Variants in VILL observed in about 807,000 individuals in gnomAD.
VILL encodes the protein villin-like protein.
Under a neutral mutation model 106.3 loss-of-function variants are expected in VILL, and 102 were observed. That is an observed-to-expected ratio of 0.96 (90% CI 0.82 to 1.13). The LOEUF is 1.13. Ranked by LOEUF, VILL falls within the 50% of genes most tolerant of loss-of-function variation. The pLI, the probability that VILL is intolerant of heterozygous loss-of-function variation, is 0.00. For missense variants in VILL, 1,076 were observed against 1,116.6 expected (o/e 0.96, Z 0.52); for synonymous variants, 431 against 440.3 (o/e 0.98, Z 0.27).
intron 1 of VILL, among the ~76,000 whole-genome samples, chr3:37,992,044 G>A (rs1038948945): frequency 2.0e-4 from 31 of 152,136 alleles, no homozygotes. Flanking sequence ...CTCTCCCAGT[G>A]ACACCAGCCG....
chr3:38,003,399 G>T, intron 15 of VILL, 86 bp downstream of exon 15: 1 of 1,451,186 alleles, frequency 6.9e-7, no homozygotes. Flanking sequence ...TTCACACAGA[G>T]AGCTGGCAAG....
At chr3:37,992,542 G>A (rs892818978) in intron 1 of VILL, among the ~76,000 whole-genome samples, 1 of 152,136 alleles carries the variant, frequency 6.6e-6, no homozygotes, top group African/African-American at 2.4e-5. Context: ...CTGGGGGCCG[G>A]GCAGCTGGGA....
At position 38,007,074 on chromosome 3, in the gene VILL, G is replaced by T. The variant is rs1301856868; in HGVS notation, c.*19G>T. The T allele has an allele frequency of 6.2e-7, 1 of 1,602,816 alleles. No individual in the cohort carries two copies. Among genetic ancestry groups the T allele is most frequent in the Non-Finnish European group, 8.5e-7 (1 of 1,170,326 alleles). ...CTTCTGAACCCAAGCCCTCTCGACT[G>T]CCCCTATCCCCTGGACCCCAACATA... On this transcript the variant is annotated 3_prime_UTR_variant, in exon 20 of 20. Coordinates refer to ENST00000383759, the MANE Select transcript of VILL (RefSeq NM_015873.4).
At chr3:38,003,445 C>G in intron 15 of VILL, 132 bp downstream of exon 15, 3 of 1,212,354 alleles carry the variant, frequency 2.5e-6, no homozygotes. Flanking sequence ...GTTTCCCACT[C>G]ACAGAGGCTC....
At chr3:37,993,867 T>C (rs757330898) in intron 2 of VILL, 31 bp from the exon 3 acceptor site, 6 of 1,613,808 alleles carry the variant, frequency 3.7e-6, no homozygotes, top group Admixed American at 3.3e-5. Flanking sequence ...AGAGGCCTCC[T>C]GAGTTGTTAC....
chr3:37,994,355 A>AG lies in VILL; in HGVS notation c.232dup (p.Ala78GlyfsTer46). On this transcript the variant is annotated frameshift_variant, in exon 4 of 20. Coordinates refer to ENST00000383759, the MANE Select transcript of VILL (RefSeq NM_015873.4). LOFTEE classifies it high-confidence loss of function. ...GGTGCGGAAGCGCAGGGCGCTGCGG[A>AG]GGCCTTCCAGCAGCGCCTACAGGAC... 6.2e-7 allele frequency: 1 copy of AG among 1,611,456 alleles called. No individual in the cohort carries two copies. The highest frequency in any genetic ancestry group is 2.2e-5 in the East Asian group (1 of 44,874).
intron 15 of VILL, chr3:38,003,656 C>A: frequency 3.3e-6 from 1 of 304,350 alleles, no homozygotes; most frequent in South Asian, 3.8e-5. Flanking sequence ...TATACAGTGT[C>A]ATATGATGTG....
At chr3:37,988,917 C>T (rs1699578851), upstream of VILL, among the ~76,000 whole-genome samples, 1 of 152,138 alleles carries the variant, frequency 6.6e-6, no homozygotes, top group Non-Finnish European at 1.5e-5. Context: ...GTATATTTTA[C>T]TACAATTTTT....
intron 13 of VILL, 76 bp downstream of exon 13, chr3:38,001,936 G>T (rs1285230483): frequency 6.2e-7 from 1 of 1,602,160 alleles, no homozygotes; most frequent in East Asian, 2.2e-5. Flanking sequence ...ACACTTCTAA[G>T]CACCTTCTCT....
chr3:37,992,300 T>G (rs747959803), intron 1 of VILL, among the ~76,000 whole-genome samples: 6 of 152,164 alleles, frequency 3.9e-5, no homozygotes, highest in Non-Finnish European at 8.8e-5. Flanking sequence ...CTGGTGGACA[T>G]CCTGCTTGTC....
chr3:37,991,649 T>C (rs1403822391), intron 1 of VILL, among the ~76,000 whole-genome samples: 2 of 150,538 alleles, frequency 1.3e-5, no homozygotes, highest in Non-Finnish European at 3.0e-5. Flanking sequence ...GGGCCCTGAG[T>C]GGAGGAAGTG....
Position 37,998,639 on chromosome 3 carries a change from G to A in VILL, c.943-273G>A, listed in dbSNP as rs1367275222. 2.0e-5 allele frequency among the ~76,000 whole-genome samples: 3 copies of A among 152,168 alleles called. No individual in the cohort carries two copies. Among genetic ancestry groups the A allele is most frequent in the Non-Finnish European group, 4.4e-5 (3 of 68,036 alleles). On this transcript the variant is annotated intron_variant, in intron 9 of 19. Coordinates refer to ENST00000383759, the MANE Select transcript of VILL (RefSeq NM_015873.4). This position sits in a 1 kb window ranked among gnomAD's most constrained non-coding sequence, Gnocchi z 4.1. Reference sequence around the variant, plus strand: ...GACTGGGCGGTCCCGCTTTCTGAGGGTGGGGCTGGGGAGGAGACAGGGCTC... The same window carrying A: ...GACTGGGCGGTCCCGCTTTCTGAGGATGGGGCTGGGGAGGAGACAGGGCTC...
chr3:37,988,744 C>A (rs900483210), upstream of VILL, among the ~76,000 whole-genome samples: 1 of 152,164 alleles, frequency 6.6e-6, no homozygotes, highest in Non-Finnish European at 1.5e-5. Context: ...TGCCTGTAAT[C>A]CCAGCTACTC....
At chr3:37,993,852 T>C (rs1559655171) in intron 2 of VILL, 46 bp from the exon 3 acceptor site, 3 of 1,611,280 alleles carry the variant, frequency 1.9e-6, no homozygotes, top group African/African-American at 1.3e-5. Flanking sequence ...GCGGGTGTCA[T>C]GGGTAGAGGC....
chr3:38,006,167 G>A lies in VILL; in HGVS notation c.2134-14G>A, dbSNP rs767213627. ...CTGCCCTGGCCCTGATACTTGCCCC[G>A]ATTCTTGCTCCAGAGCCACCCGTCC... On this transcript the variant is annotated splice_polypyrimidine_tract_variant and intron_variant, in intron 17 of 19. Coordinates refer to ENST00000383759, the MANE Select transcript of VILL (RefSeq NM_015873.4). The A allele has an allele frequency of 3.9e-5, 63 of 1,614,062 alleles. No individual in the cohort carries two copies. Among genetic ancestry groups the A allele is most frequent in the South Asian group, 3.5e-4 (32 of 91,090 alleles).
At chr3:37,995,605 T>C (rs1484810455) in intron 4 of VILL, 134 bp from the exon 5 acceptor site, 1 of 673,864 alleles carries the variant, frequency 1.5e-6, no homozygotes, top group African/African-American at 1.7e-5. Context: ...ATACATGTGT[T>C]CACACAGACT....
chr3:38,003,327 G>A lies in VILL; in HGVS notation c.1805+14G>A. 1 of 1,595,574 alleles carries A rather than the reference G, an allele frequency of 6.3e-7. No homozygotes were observed. Among genetic ancestry groups the A allele is most frequent in the Non-Finnish European group, 8.5e-7 (1 of 1,172,392 alleles). On this transcript the variant is annotated intron_variant, in intron 15 of 19. Transcript: ENST00000383759. ...CAGCAACAAGAGGTAACAGGGTTGG[G>A]AGGAGAGTGTTCTTACCCAGAGGAG...
rs2125539704 is a variant in VILL at position 38,006,199 on chromosome 3, G to C, written c.2152G>C (p.Glu718Gln). 4 of 1,614,188 alleles carry C rather than the reference G, an allele frequency of 2.5e-6. No homozygotes were observed. In the East Asian group the frequency reaches 8.9e-5, roughly 36 times the overall value. Residue 718 changes from glutamate (E) to glutamine (Q), a missense_variant, in exon 18 of 20, where the codon GAA becomes CAA. Coordinates refer to ENST00000383759, the MANE Select transcript of VILL (RefSeq NM_015873.4). ...YKWTSHPSHK[E>Q]VVDGSPAAAS... ...GCTCCAGAGCCACCCGTCCCACAAG[G>C]AAGTGGTGGATGGCAGCCCGGCAGC...
intron 5 of VILL, among the ~76,000 whole-genome samples, chr3:37,996,824 C>T (rs1359697826): frequency 6.6e-6 from 1 of 152,178 alleles, no homozygotes; most frequent in African/African-American, 2.4e-5. Context: ...TATGCACACA[C>T]ACAAAAGATA....
Sources: allele counts gnomAD v4.1 joint callset (sites outside exome capture counted in the v4.1 genomes callset), GRCh38; gene constraint gnomAD v4.1.1; non-coding constraint Gnocchi (gnomAD v3.1); transcripts MANE v1.5; gene names NCBI Gene and HGNC (gene_info 2026-07-23, HGNC 2026-07-21).